POR: variants seen among roughly 807,000 people sequenced by gnomAD.
The protein encoded by POR is cytochrome p450 oxidoreductase.
POR carries 56 observed loss-of-function variants against 84.0 expected under a neutral mutation model. That is an observed-to-expected ratio of 0.67 (90% CI 0.54 to 0.83). POR has a LOEUF of 0.83. POR is among the 40% of genes least tolerant of loss of function. The pLI, the probability that POR is intolerant of heterozygous loss-of-function variation, is 0.00. For synonymous variants in POR, 414 were observed against 400.5 expected (o/e 1.03, Z -0.40); for missense variants, 938 against 944.3 (o/e 0.99, Z 0.09).
intron 2 of POR, among the ~76,000 whole-genome samples, chr7:75,969,929 G>C (rs1443286836): frequency 8.5e-5 from 13 of 152,228 alleles, no homozygotes; most frequent in Admixed American, 7.9e-4. Context: ...ACCAGTGTGT[G>C]TGCCACAGCG....
At chr7:75,978,002 T>G (rs1377935946) in intron 3 of POR, among the ~76,000 whole-genome samples, 2 of 152,204 alleles carry the variant, frequency 1.3e-5, no homozygotes, top group Non-Finnish European at 2.9e-5. Flanking sequence ...CAACAGCTGC[T>G]GGAGGAGGAG....
In POR at chr7:75,986,546, G is replaced by A. The variant is rs1055035119; in HGVS notation, c.*65G>A. The A allele has an allele frequency of 1.7e-5, 26 of 1,551,114 alleles. No homozygotes were observed. The highest frequency in any genetic ancestry group is 9.4e-5 in the East Asian group (4 of 42,752). Reference sequence around the variant, plus strand: ...TAATCAGCTCTCCTGGCTCCCTCCCGTAGTCTCCTGGGTGTGTTTGGCTTG... The same window carrying A: ...TAATCAGCTCTCCTGGCTCCCTCCCATAGTCTCCTGGGTGTGTTTGGCTTG... On this transcript the variant is annotated 3_prime_UTR_variant, in exon 16 of 16. Transcript: ENST00000461988.
chr7:75,985,784 GC>G lies in POR; in HGVS notation c.1608del (p.Gly537AlafsTer8). On this transcript the variant is annotated frameshift_variant, in exon 13 of 16. Transcript: ENST00000461988. LOFTEE classifies it high-confidence loss of function. The stretch of plus-strand genomic sequence containing the variant: ...GCCACCACGCCTGTCATCATGGTGG[GC>G]CCCGGCACCGGGGTGGCACCCTTCA... 6.4e-7 allele frequency: 1 copy of G among 1,572,460 alleles called. No homozygotes were observed. The highest frequency in any genetic ancestry group is 8.6e-7 in the Non-Finnish European group (1 of 1,159,686).
At chr7:75,980,645 C>G (rs781978409) in intron 5 of POR, 157 bp downstream of exon 5, 6 of 1,554,362 alleles carry the variant, frequency 3.9e-6, no homozygotes, top group Non-Finnish European at 5.2e-6. Context: ...TGCCCCAGAC[C>G]CCAGCACTAC....
chr7:75,979,654 C>A, intron 4 of POR, 75 bp downstream of exon 4: 3 of 1,572,188 alleles, frequency 1.9e-6, no homozygotes, highest in Non-Finnish European at 2.6e-6. Flanking sequence ...GGGCGCCCCT[C>A]AGCAGGGGGA....
Position 75,956,613 on chromosome 7 carries a change from A to G in POR, c.188+2433A>G, listed in dbSNP as rs191219153. Reference sequence around the variant, plus strand: ...TCACCTAGCACTGCCCCTGAGGGATAGGAGCTGTGTAGTGTTTGCGTTGAT... The same window carrying G: ...TCACCTAGCACTGCCCCTGAGGGATGGGAGCTGTGTAGTGTTTGCGTTGAT... On this transcript the variant is annotated intron_variant, in intron 2 of 15. Coordinates refer to ENST00000461988, the MANE Select transcript of POR (RefSeq NM_000941.3). Among the ~76,000 whole-genome samples the G allele has an allele frequency of 2.6e-5, 4 of 152,318 alleles. No homozygotes were observed. The East Asian group carries it at 7.7e-4, about 29-fold the overall frequency.
intron 7 of POR, 113 bp from the exon 8 acceptor site, chr7:75,982,111 T>C (rs1789084850): frequency 1.3e-6 from 1 of 755,226 alleles, no homozygotes; most frequent in Non-Finnish European, 2.3e-6. Context: ...TTGTCGTATG[T>C]ACCTGGGACC....
chr7:75,918,397 G>A (rs1554548354), intron 1 of POR, among the ~76,000 whole-genome samples: 2 of 152,146 alleles, frequency 1.3e-5, no homozygotes, highest in African/African-American at 2.4e-5. Flanking sequence ...GGGCAGGTGG[G>A]AGAAGCATCT....
rs1323822499 is a variant in POR, at chr7:75,983,814, G to A, written c.1024G>A (p.Gly342Ser). ...CGTCAACCAGCTGGGCAAAATCCTGGGTGCCGACCTGGACGTCGTCATGTC... is the reference window on the plus strand; with the variant it reads ...CGTCAACCAGCTGGGCAAAATCCTGAGTGCCGACCTGGACGTCGTCATGTC... The change falls in exon 10 of 16, where the codon GGT (glycine) becomes AGT (serine). Residue 342 changes from glycine to serine, a missense_variant. Coordinates refer to ENST00000461988, the MANE Select transcript of POR (RefSeq NM_000941.3). 1.9e-6 allele frequency: 3 copies of A among 1,611,968 alleles called. No individual in the cohort carries two copies. Among genetic ancestry groups the A allele is most frequent in the Non-Finnish European group, 2.5e-6 (3 of 1,179,600 alleles).
At chr7:75,959,541 T>A (rs1787840737) in intron 2 of POR, among the ~76,000 whole-genome samples, 1 of 152,204 alleles carries the variant, frequency 6.6e-6, no homozygotes, top group Non-Finnish European at 1.5e-5. Flanking sequence ...CTGCAACCTC[T>A]GCCTCTGGGG....
chr7:75,982,027 AGCTCCACGCCGCCTCCCTCCTT>A (rs1199088217), intron 7 of POR, 175 bp from the exon 8 acceptor site: 5 of 593,812 alleles, frequency 8.4e-6, no homozygotes, highest in African/African-American at 5.6e-5. Flanking sequence ...GGCCCCCGGC[AGCTCCACGCCGCCTCCCTCCTT>A]GCTCCCTCGC....
intron 1 of POR, among the ~76,000 whole-genome samples, chr7:75,951,174 C>T (rs782638103): frequency 1.3e-5 from 2 of 149,810 alleles, no homozygotes; most frequent in Admixed American, 6.8e-5. Context: ...GCAGGCAGAT[C>T]ACCTGAGGTC....
At chr7:75,956,882 C>T (rs554034130) in intron 2 of POR, among the ~76,000 whole-genome samples, 21 of 152,194 alleles carry the variant, frequency 1.4e-4, no homozygotes, top group African/African-American at 4.6e-4. Context: ...CATGCTACCA[C>T]GCCTGGCTAA....
intron 1 of POR, chr7:75,923,249 CTT>C (rs749462518): frequency 4.8e-5 from 57 of 1,180,710 alleles, no homozygotes; most frequent in Non-Finnish European, 6.8e-5. Context: ...AGCTTGGTGT[CTT>C]TTGCTTGGAA....
chr7:75,925,537 T>A (rs936123840), intron 1 of POR, among the ~76,000 whole-genome samples: 8 of 152,140 alleles, frequency 5.3e-5, no homozygotes, highest in African/African-American at 1.2e-4. Context: ...AAATTTTTTT[T>A]AAAAAGTGCT....
intron 3 of POR, among the ~76,000 whole-genome samples, chr7:75,978,638 C>G (rs1554557176): frequency 1.3e-5 from 2 of 152,194 alleles, no homozygotes; most frequent in East Asian, 3.8e-4. Flanking sequence ...ATTCTCCTGC[C>G]TCAGCCTCCC....
chr7:75,968,885 C>T (rs1788309117), intron 2 of POR, among the ~76,000 whole-genome samples: 1 of 152,178 alleles, frequency 6.6e-6, no homozygotes, highest in Non-Finnish European at 1.5e-5. Context: ...ACATGGAAGC[C>T]CTCCTCCCCC....
chr7:75,952,667 T>G (rs1787495849), intron 1 of POR, among the ~76,000 whole-genome samples: 1 of 144,468 alleles, frequency 6.9e-6, no homozygotes. Context: ...GCAGAGGCGC[T>G]CCTCACATCC....
At chr7:75,926,030 CTTTTTTTTTTT>C (rs869058308) in intron 1 of POR, among the ~76,000 whole-genome samples, 47 of 114,840 alleles carry the variant, frequency 4.1e-4, no homozygotes, top group Non-Finnish European at 6.1e-4. Flanking sequence ...TTTTCTCTCT[CTTTTTTTTTTT>C]TTTTTTTTTT....
Sources: allele counts gnomAD v4.1 joint callset (sites outside exome capture counted in the v4.1 genomes callset), GRCh38; gene constraint gnomAD v4.1.1; transcripts MANE v1.5; gene names NCBI Gene and HGNC (gene_info 2026-07-23, HGNC 2026-07-21).